The following KLF15 variants were observed in gnomAD, a reference collection of about 807,000 sequenced individuals.
The protein encoded by KLF15 is KLF transcription factor 15, also known as Krueppel-like factor 15.
In KLF15, 4 loss-of-function variants were observed where a neutral mutation model predicts 24.6. The ratio of observed to expected loss-of-function variants is 0.16; its 90% CI spans 0.08 to 0.37. KLF15 has a LOEUF of 0.37. Ranked by LOEUF, KLF15 falls within the 10% of genes least tolerant of loss-of-function variation. The pLI, the probability that KLF15 is intolerant of heterozygous loss-of-function variation, is 1.00. For missense variants in KLF15, 496 were observed against 560.6 expected (o/e 0.88, Z 1.16); for synonymous variants, 246 against 236.3 (o/e 1.04, Z -0.37).
At chr3:126,318,229 C>T in the KLF15 span, among the ~76,000 whole-genome samples, 2 of 152,164 alleles carry the variant, frequency 1.3e-5, no homozygotes, top group South Asian at 4.1e-4. Flanking sequence ...TGCCTTTAAC[C>T]TACATGAGTT....
rs748756329 is a variant in KLF15 at position 126,356,731 on chromosome 3, G to C, written c.-26+506C>G. Reference sequence around the variant, plus strand: ...GGGAAACGTGCGTGGGAAATGAAGAGAGCCGGCTCAGACCCCTTCTAGAGT... The same window carrying C: ...GGGAAACGTGCGTGGGAAATGAAGACAGCCGGCTCAGACCCCTTCTAGAGT... On this transcript the variant is annotated intron_variant, in intron 1 of 2. Transcript: ENST00000296233. This position sits in a 1 kb window ranked among gnomAD's most constrained non-coding sequence, Gnocchi z 4.4. 2.0e-5 allele frequency among the ~76,000 whole-genome samples: 3 copies of C among 152,080 alleles called. No individual in the cohort carries two copies. Among genetic ancestry groups the C allele is most frequent in the Admixed American group, 1.3e-4 (2 of 15,282 alleles).
At chr3:126,340,729 C>A (rs1235542642), downstream of KLF15, among the ~76,000 whole-genome samples, 1 of 152,144 alleles carries the variant, frequency 6.6e-6, no homozygotes, top group African/African-American at 2.4e-5. Context: ...CCCATCTCCA[C>A]CTGCTTTTTC....
At chr3:126,331,943 G>A in the KLF15 span, among the ~76,000 whole-genome samples, 1 of 152,222 alleles carries the variant, frequency 6.6e-6, no homozygotes, top group Non-Finnish European at 1.5e-5. Context: ...CTCACTGACT[G>A]CTAGCACAGC....
At chr3:126,329,251 G>A in the KLF15 span, among the ~76,000 whole-genome samples, 1 of 152,144 alleles carries the variant, frequency 6.6e-6, no homozygotes, top group Non-Finnish European at 1.5e-5. Context: ...ATATGTACTT[G>A]AGTTATTTTC....
At chr3:126,308,871 G>T in the KLF15 span, among the ~76,000 whole-genome samples, 1 of 152,202 alleles carries the variant, frequency 6.6e-6, no homozygotes, top group Admixed American at 6.5e-5. Flanking sequence ...AGGACAGCTC[G>T]GCAGGGAGGC....
the KLF15 span, among the ~76,000 whole-genome samples, chr3:126,306,969 C>T: frequency 1.7e-3 from 259 of 152,348 alleles, 1 homozygote; most frequent in African/African-American, 5.9e-3. Context: ...CCAATTGCCA[C>T]GTCCTTGAGT....
At chr3:126,330,388 G>C in the KLF15 span, among the ~76,000 whole-genome samples, 9 of 152,208 alleles carry the variant, frequency 5.9e-5, no homozygotes, top group Non-Finnish European at 1.5e-5. Flanking sequence ...ATGTATTTCT[G>C]TGGGTTTATC....
At chr3:126,353,046 C>T in intron 1 of KLF15, 99 bp from the exon 2 acceptor site, 2 of 1,358,998 alleles carry the variant, frequency 1.5e-6, no homozygotes, top group Non-Finnish European at 2.0e-6. Context: ...CCCACAGCCT[C>T]CTATTGCCAA....
the KLF15 span, among the ~76,000 whole-genome samples, chr3:126,308,852 C>T: frequency 1.1e-4 from 17 of 152,210 alleles, no homozygotes; most frequent in Non-Finnish European, 1.9e-4. Flanking sequence ...ACAGCACTGG[C>T]CTCACGGCAG....
At chr3:126,311,105 C>T in the KLF15 span, among the ~76,000 whole-genome samples, 2 of 152,216 alleles carry the variant, frequency 1.3e-5, no homozygotes, top group East Asian at 3.9e-4. Context: ...ACTCTCCCTA[C>T]ACCACTGGGC....
the KLF15 span, among the ~76,000 whole-genome samples, chr3:126,314,095 T>C: frequency 3.9e-5 from 6 of 152,212 alleles, no homozygotes; most frequent in Admixed American, 2.6e-4. Context: ...AAAAGCTTGC[T>C]GAGCCCTGGT....
At chr3:126,324,801 T>TC in the KLF15 span, among the ~76,000 whole-genome samples, 66 of 102,574 alleles carry the variant, frequency 6.4e-4, 1 homozygote, top group African/African-American at 2.6e-3. Flanking sequence ...TTTTTTTTTT[T>TC]CGCTCTTTTT....
intron 2 of KLF15, 113 bp downstream of exon 2, chr3:126,351,728 C>A: frequency 5.2e-6 from 4 of 768,978 alleles, no homozygotes; most frequent in Non-Finnish European, 7.8e-6. Context: ...GCCCCTCCCT[C>A]CCCTCCCTCA....
chr3:126,301,630 C>G, the KLF15 span, among the ~76,000 whole-genome samples: 1 of 55,372 alleles, frequency 1.8e-5, no homozygotes, highest in Non-Finnish European at 3.6e-5. Flanking sequence ...TTTTTTTTTT[C>G]TGAGACAGAG....
At position 126,348,511 on chromosome 3, in the gene KLF15, C is replaced by T. The variant is rs530272333; in HGVS notation, c.1082+3330G>A. 5.9e-5 allele frequency among the ~76,000 whole-genome samples: 9 copies of T among 152,304 alleles called. No homozygotes were observed. In the South Asian group the frequency reaches 1.9e-3, roughly 32 times the overall value. ...TAGGGCTTAGTCATGCAACCCAGATCCTTGCTCACTAGCTATGTCCCTGTG... is the reference window on the plus strand; with the variant it reads ...TAGGGCTTAGTCATGCAACCCAGATTCTTGCTCACTAGCTATGTCCCTGTG... On this transcript the variant is annotated intron_variant, in intron 2 of 2. Transcript: ENST00000296233.
the KLF15 span, among the ~76,000 whole-genome samples, chr3:126,296,067 A>T: frequency 6.6e-6 from 1 of 152,146 alleles, no homozygotes; most frequent in Non-Finnish European, 1.5e-5. Context: ...AATAAAGCCT[A>T]CCTTGCCATG....
Position 126,356,295 on chromosome 3 carries a change from G to A in KLF15, c.-26+942C>T, listed in dbSNP as rs2082631987. Among the ~76,000 whole-genome samples the A allele has an allele frequency of 6.6e-6, 1 of 152,162 alleles. No homozygotes were observed. The highest frequency in any genetic ancestry group is 2.1e-4 in the South Asian group (1 of 4,832). The stretch of plus-strand genomic sequence containing the variant: ...TCCCCAGGGGCCACCTGGTCCGGGG[G>A]GACAGGGGGAAGGAGATTTGAGGCT... On this transcript the variant is annotated intron_variant, in intron 1 of 2. Coordinates refer to ENST00000296233, the MANE Select transcript of KLF15 (RefSeq NM_014079.4). This position sits in a 1 kb window ranked among gnomAD's most constrained non-coding sequence, Gnocchi z 4.4.
At chr3:126,292,010 C>G in the KLF15 span, among the ~76,000 whole-genome samples, 1 of 152,222 alleles carries the variant, frequency 6.6e-6, no homozygotes, top group Non-Finnish European at 1.5e-5. Flanking sequence ...CCTCCACACC[C>G]TAAGTGTCCA....
At position 126,356,019 on chromosome 3, in the gene KLF15, G is replaced by A. The variant is rs970641405; in HGVS notation, c.-26+1218C>T. On this transcript the variant is annotated intron_variant, in intron 1 of 2. Transcript: ENST00000296233. This position sits in a 1 kb window ranked among gnomAD's most constrained non-coding sequence, Gnocchi z 4.4. Reference sequence around the variant, plus strand: ...CGGGCACAGTCCCCGGCTGGCCGCCGGACTCCGCCCCCTCCCCTGGCCCGG... The same window carrying A: ...CGGGCACAGTCCCCGGCTGGCCGCCAGACTCCGCCCCCTCCCCTGGCCCGG... Among the ~76,000 whole-genome samples the A allele has an allele frequency of 2.0e-5, 3 of 152,178 alleles. No homozygotes were observed. The highest frequency in any genetic ancestry group is 7.2e-5 in the African/African-American group (3 of 41,460).
Sources: gnomAD v4.1 joint callset for allele counts (sites outside exome capture counted in the v4.1 genomes callset) on GRCh38, gnomAD v4.1.1 for gene constraint, Gnocchi (gnomAD v3.1) non-coding constraint, MANE v1.5 for transcripts, NCBI Gene and HGNC (gene_info 2026-07-23, HGNC 2026-07-21) for gene names.